Variants in ADD2 observed in about 807,000 individuals in gnomAD.
ADD2 encodes the protein beta-adducin.
ADD2 carries 23 observed loss-of-function variants against 83.0 expected under a neutral mutation model. The ratio of observed to expected loss-of-function variants is 0.28; its 90% CI spans 0.20 to 0.39. The LOEUF (loss-of-function observed/expected upper bound fraction) is 0.39, where lower values mean the gene tolerates loss of function less well. Ranked by LOEUF, ADD2 falls within the 10% of genes least tolerant of loss-of-function variation. The pLI is 1.00. For synonymous variants in ADD2, 375 were observed against 375.4 expected (o/e 1.00, Z 0.01); for missense variants, 758 against 944.9 (o/e 0.80, Z 2.59).
At chr2:70,667,808 AG>A (rs1454364759) in intron 15 of ADD2, among the ~76,000 whole-genome samples, 2 of 152,030 alleles carry the variant, frequency 1.3e-5, no homozygotes, top group African/African-American at 4.8e-5. Context: ...TAGTAGAGAC[AG>A]GGTTTCACCA....
At chr2:70,748,558 T>G (rs1403560965) in intron 1 of ADD2, among the ~76,000 whole-genome samples, 1 of 152,170 alleles carries the variant, frequency 6.6e-6, no homozygotes, top group Non-Finnish European at 1.5e-5. Flanking sequence ...TACCTGGGAA[T>G]GGAGACTTGC....
At chr2:70,727,720 C>A (rs10189042) in intron 1 of ADD2, among the ~76,000 whole-genome samples, 41 of 151,900 alleles carry the variant, frequency 2.7e-4, no homozygotes, top group Non-Finnish European at 4.7e-4. Context: ...CATGGTGAAA[C>A]CCTGTCTCTA....
At chr2:70,675,018 T>C in intron 13 of ADD2, 193 bp from the exon 14 acceptor site, 1 of 1,348,572 alleles carries the variant, frequency 7.4e-7, no homozygotes, top group Non-Finnish European at 9.5e-7. Context: ...TACCCCTAGA[T>C]TTTGCAACTG....
Position 70,663,415 on chromosome 2 carries a change from G to A in ADD2, c.*10C>T, listed in dbSNP as rs781788933. On this transcript the variant is annotated 3_prime_UTR_variant, in exon 16 of 16. Transcript: ENST00000264436. ...AGAGGAGGCAGGAGGGAGCCCAAGG[G>A]TGTCATGAATCAGGACTCCACTTTC... 2.5e-6 allele frequency: 4 copies of A among 1,608,476 alleles called. No individual in the cohort carries two copies. The highest frequency in any genetic ancestry group is 1.7e-5 in the Admixed American group (1 of 59,536).
intron 1 of ADD2, among the ~76,000 whole-genome samples, chr2:70,762,248 GAAGA>G (rs782595050): frequency 4.0e-5 from 6 of 151,758 alleles, no homozygotes; most frequent in South Asian, 2.1e-4. Flanking sequence ...GAAAGCTTAA[GAAGA>G]AAGAGAATGA....
At position 70,698,704 on chromosome 2, in the gene ADD2, T is replaced by C. The variant is rs142059178; in HGVS notation, c.323-2308A>G. 3.3e-5 allele frequency among the ~76,000 whole-genome samples: 5 copies of C among 152,300 alleles called. No homozygotes were observed. In the East Asian group the frequency reaches 9.6e-4, roughly 29 times the overall value. ...CATAAATATGTACAACTATTAGGTA[T>C]CCATTTTAAAAAGAAAATAATATTA... On this transcript the variant is annotated intron_variant, in intron 4 of 15. Transcript: ENST00000264436.
chr2:70,704,437 C>T lies in ADD2; in HGVS notation c.206G>A (p.Gly69Asp), dbSNP rs149147182. ...CTTCTTCATCTGCTCCTGGATGAGG[C>T]CTTCCAGCTCCTCCCTGAAAGACTG... is the stretch of plus-strand genomic sequence containing the variant. ...QSPSFREELE[G>D]LIQEQMKKGN... is the part of the protein sequence containing the mutation. The change falls in exon 4 of 16, where the codon GGC becomes GAC. Residue 69 changes from glycine (G) to aspartate (D), a missense_variant. Coordinates refer to ENST00000264436, the MANE Select transcript of ADD2 (RefSeq NM_001617.4). 3.1e-6 allele frequency: 5 copies of T among 1,614,138 alleles called. No homozygotes were observed. The highest frequency in any genetic ancestry group is 4.2e-6 in the Non-Finnish European group (5 of 1,180,012).
At chr2:70,663,808 C>G (rs1479809060) in intron 15 of ADD2, 73 bp from the exon 16 acceptor site, 6 of 1,458,634 alleles carry the variant, frequency 4.1e-6, no homozygotes, top group Non-Finnish European at 1.9e-6. Context: ...GCTAACAGAA[C>G]CATTTCTAGG....
Position 70,663,288 on chromosome 2 carries a change from A to T in ADD2, c.*137T>A. On this transcript the variant is annotated 3_prime_UTR_variant, in exon 16 of 16. Transcript: ENST00000264436. ...TGTAAAACGAAGGGTTGGTCGGGTG[A>T]TCTCTAAGTTCCCCTTCCGAATGTG... 9.9e-7 allele frequency: 1 copy of T among 1,008,668 alleles called. No individual in the cohort carries two copies. Among genetic ancestry groups the T allele is most frequent in the Non-Finnish European group, 1.5e-6 (1 of 684,466 alleles). 62.5% of individuals were successfully genotyped at this position (1,008,668 alleles called of 1,614,324 possible).
chr2:70,689,541 T>C (rs574564294), intron 8 of ADD2, among the ~76,000 whole-genome samples: 2 of 152,358 alleles, frequency 1.3e-5, no homozygotes, highest in South Asian at 4.1e-4. Flanking sequence ...ATCTCTCAAA[T>C]TCTTGTAGCA....
At chr2:70,705,149 C>T (rs572349656) in intron 3 of ADD2, among the ~76,000 whole-genome samples, 18 of 152,268 alleles carry the variant, frequency 1.2e-4, no homozygotes, top group African/African-American at 4.1e-4. Context: ...CTAACTCTGC[C>T]GCCTCTCCTA....
intron 15 of ADD2, among the ~76,000 whole-genome samples, chr2:70,667,207 G>A (rs1193004349): frequency 6.6e-6 from 1 of 152,058 alleles, no homozygotes; most frequent in African/African-American, 2.4e-5. Context: ...GGGATATTGT[G>A]GGGGTGAGTA....
intron 15 of ADD2, among the ~76,000 whole-genome samples, chr2:70,668,889 G>A (rs569009270): frequency 2.6e-5 from 4 of 152,314 alleles, no homozygotes; most frequent in South Asian, 2.1e-4. Context: ...ATTTGCTGAC[G>A]CGCTTCTGAA....
chr2:70,764,419 G>A (rs1290580693), intron 1 of ADD2, among the ~76,000 whole-genome samples: 1 of 151,864 alleles, frequency 6.6e-6, no homozygotes, highest in Admixed American at 6.5e-5. Context: ...TTCTTTTGGA[G>A]TTGGCAAGTT....
chr2:70,664,658 G>A (rs1675684283), intron 15 of ADD2, among the ~76,000 whole-genome samples: 1 of 152,224 alleles, frequency 6.6e-6, no homozygotes. Flanking sequence ...TTCCGGTTCA[G>A]CTTCTTCTCA....
intron 1 of ADD2, among the ~76,000 whole-genome samples, chr2:70,739,993 A>G (rs1346798354): frequency 3.3e-5 from 5 of 152,242 alleles, no homozygotes; most frequent in African/African-American, 1.2e-4. Flanking sequence ...CTACGTCACA[A>G]ACCTGCACAT....
chr2:70,764,811 C>A (rs1553385688), intron 1 of ADD2, among the ~76,000 whole-genome samples: 2 of 151,454 alleles, frequency 1.3e-5, no homozygotes, highest in Admixed American at 1.3e-4. Flanking sequence ...GAGCAAGATT[C>A]CGCAAAAAAG....
At chr2:70,725,514 T>C (rs779514245) in intron 1 of ADD2, among the ~76,000 whole-genome samples, 3 of 152,108 alleles carry the variant, frequency 2.0e-5, no homozygotes, top group Non-Finnish European at 4.4e-5. Flanking sequence ...CATCTCAAGA[T>C]GAAATAATCC....
chr2:70,673,154 C>T (rs1669978270), intron 14 of ADD2, 148 bp from the exon 15 acceptor site: 1 of 1,558,586 alleles, frequency 6.4e-7, no homozygotes, highest in African/African-American at 1.4e-5. Flanking sequence ...TAGCTCCTCC[C>T]CCTGACCTTC....
Sources: allele counts gnomAD v4.1 joint callset (sites outside exome capture counted in the v4.1 genomes callset), GRCh38; gene constraint gnomAD v4.1.1; transcripts MANE v1.5; gene names NCBI Gene and HGNC (gene_info 2026-07-23, HGNC 2026-07-21).